Variants in CCDC33 observed in about 807,000 individuals in gnomAD.
CCDC33 encodes the protein coiled-coil domain containing 33, also known as coiled-coil domain-containing protein 33.
CCDC33 carries 94 observed loss-of-function variants against 91.9 expected under a neutral mutation model. That is an observed-to-expected ratio of 1.02 (90% CI 0.87 to 1.21). The LOEUF (loss-of-function observed/expected upper bound fraction) is 1.21. CCDC33 is among the 50% of genes most tolerant of loss of function. The probability of loss-of-function intolerance (pLI) is 0.00; values close to 1 mark genes in which losing one functional copy is unlikely to be tolerated. For synonymous variants in CCDC33, 396 were observed against 374.5 expected, an observed-to-expected ratio of 1.06 and a Z score of -0.66; for missense variants, 940 against 935.5, an observed-to-expected ratio of 1.00 and a Z score of -0.06.
At chr15:74,315,925 A>G (rs551056762) in intron 11 of CCDC33, among the ~76,000 whole-genome samples, 120 of 152,186 alleles carry the variant, frequency 7.9e-4, no homozygotes, top group African/African-American at 2.5e-3. Flanking sequence ...TAAAGCCCCA[A>G]TGCCACCAGG....
chr15:74,217,584 A>G (rs966372559), intron 1 of CCDC33: 2 of 1,227,988 alleles, frequency 1.6e-6, no homozygotes, highest in Non-Finnish European at 1.0e-6. Context: ...GCCCAAAGGT[A>G]TGAAGTAGGG....
Position 74,271,694 on chromosome 15 carries a change from C to A in CCDC33, c.547-9C>A. On this transcript the variant is annotated splice_polypyrimidine_tract_variant and intron_variant, in intron 5 of 18. Transcript: ENST00000398814. ...GGTGTTCACCTGCCTCCTCTCCTCT[C>A]CTCTCCAGATCTTTCTCCGGGGAGT... 1.2e-6 allele frequency: 2 copies of A among 1,610,808 alleles called. No individual in the cohort carries two copies. The highest frequency in any genetic ancestry group is 1.7e-6 in the Non-Finnish European group (2 of 1,177,130).
intron 11 of CCDC33, among the ~76,000 whole-genome samples, chr15:74,312,515 C>G (rs2060011422): frequency 6.6e-6 from 1 of 152,208 alleles, no homozygotes; most frequent in African/African-American, 2.4e-5. Context: ...TACAGCTTCT[C>G]CCTGCTCCCT....
At chr15:74,266,880 A>G in intron 4 of CCDC33, 93 bp downstream of exon 4, 1 of 839,968 alleles carries the variant, frequency 1.2e-6, no homozygotes. Flanking sequence ...TGAGCATCCC[A>G]CACCCACCCA....
At chr15:74,207,570 C>G in intron 1 of CCDC33, 2 of 912,568 alleles carry the variant, frequency 2.2e-6, no homozygotes, top group South Asian at 3.2e-5. Flanking sequence ...GCCCTTGACT[C>G]TGAGTCCAGC....
At chr15:74,266,126 GT>G (rs1352404674) in intron 3 of CCDC33, among the ~76,000 whole-genome samples, 10 of 152,208 alleles carry the variant, frequency 6.6e-5, no homozygotes, top group Admixed American at 6.5e-4. Flanking sequence ...ATTTAGACTA[GT>G]TTTCCCTTAC....
chr15:74,294,523 A>C (rs1207278302), intron 10 of CCDC33, among the ~76,000 whole-genome samples: 6 of 152,076 alleles, frequency 3.9e-5, no homozygotes, highest in Admixed American at 3.3e-4. Context: ...CAAGGTGGGC[A>C]GATCACAAGG....
In CCDC33 at chr15:74,330,301, C is replaced by T. The variant is rs1047152638; in HGVS notation, c.1403C>T (p.Ala468Val). 6.2e-7 allele frequency: 1 copy of T among 1,611,044 alleles called. No homozygotes were observed. Among genetic ancestry groups the T allele is most frequent in the South Asian group, 1.1e-5 (1 of 90,784 alleles). Residue 468 changes from alanine to valine, a missense_variant, in exon 12 of 19, where the codon GCC (alanine) becomes GTC (valine). Ala to Val is a moderately conservative substitution (Grantham distance 64, BLOSUM62 0). Coordinates refer to ENST00000398814, the MANE Select transcript of CCDC33 (RefSeq NM_025055.5). ...GENRILRSRLAQQEEEEGQGK... is the reference protein window; with the variant it reads ...GENRILRSRLVQQEEEEGQGK... Reference sequence around the variant, plus strand: ...AACCGCATACTGAGGAGCCGCCTGGCCCAGCAGGAGGAGGAAGAGGGGCAG... The same window carrying T: ...AACCGCATACTGAGGAGCCGCCTGGTCCAGCAGGAGGAGGAAGAGGGGCAG...
intron 7 of CCDC33, among the ~76,000 whole-genome samples, chr15:74,277,250 T>C (rs894447034): frequency 1.3e-5 from 2 of 152,156 alleles, no homozygotes; most frequent in African/African-American, 4.8e-5. Context: ...CACAGCAAGG[T>C]TGAGGCAGAC....
intron 2 of CCDC33, among the ~76,000 whole-genome samples, chr15:74,220,032 GAA>G (rs1246723829): frequency 1.3e-5 from 2 of 152,218 alleles, no homozygotes; most frequent in African/African-American, 4.8e-5. Context: ...GGGGATGGGA[GAA>G]AGTGGAGGGA....
At chr15:74,284,750 C>T (rs1169995644) in intron 10 of CCDC33, among the ~76,000 whole-genome samples, 1 of 152,204 alleles carries the variant, frequency 6.6e-6, no homozygotes, top group Non-Finnish European at 1.5e-5. Flanking sequence ...TATTTGGACT[C>T]CTCATGGTAG....
At chr15:74,320,768 AC>A (rs2060190747) in intron 11 of CCDC33, among the ~76,000 whole-genome samples, 1 of 152,004 alleles carries the variant, frequency 6.6e-6, no homozygotes, top group African/African-American at 2.4e-5. Flanking sequence ...AGCCTCTCCC[AC>A]TGGGCTATGC....
intron 11 of CCDC33, among the ~76,000 whole-genome samples, chr15:74,298,904 G>T (rs1270175343): frequency 6.6e-6 from 1 of 152,016 alleles, no homozygotes; most frequent in Non-Finnish European, 1.5e-5. Flanking sequence ...GTAGAGACGG[G>T]CTTTCACTAT....
At chr15:74,308,600 G>T (rs984062961) in intron 11 of CCDC33, among the ~76,000 whole-genome samples, 1 of 152,224 alleles carries the variant, frequency 6.6e-6, no homozygotes, top group Non-Finnish European at 1.5e-5. Context: ...TCTTCAAGGA[G>T]GGGGGACAGC....
chr15:74,308,783 G>C (rs1186897037), intron 11 of CCDC33, among the ~76,000 whole-genome samples: 1 of 152,202 alleles, frequency 6.6e-6, no homozygotes, highest in South Asian at 2.1e-4. Flanking sequence ...CTGCAGAGGG[G>C]CTCGGGGATT....
At chr15:74,330,896 G>A (rs1465213575) in intron 13 of CCDC33, 85 bp from the exon 14 acceptor site, 1 of 1,524,670 alleles carries the variant, frequency 6.6e-7, no homozygotes, top group Non-Finnish European at 8.9e-7. Flanking sequence ...GGAGGATTCA[G>A]CAGAGGGGCC....
At chr15:74,239,358 T>C (rs1056842684) in intron 1 of CCDC33, among the ~76,000 whole-genome samples, 88 of 152,216 alleles carry the variant, frequency 5.8e-4, no homozygotes, top group African/African-American at 1.8e-3. Flanking sequence ...CTGTTGTTCC[T>C]ACCTCCTCCT....
chr15:74,278,745 GA>G (rs1299830450), intron 7 of CCDC33, among the ~76,000 whole-genome samples: 1 of 152,224 alleles, frequency 6.6e-6, no homozygotes, highest in African/African-American at 2.4e-5. Context: ...TTCCTTTAAG[GA>G]GGCTTTTCTG....
intron 10 of CCDC33, 74 bp from the exon 11 acceptor site, chr15:74,295,680 A>G (rs761391748): frequency 7.7e-7 from 1 of 1,303,254 alleles, no homozygotes; most frequent in Non-Finnish European, 1.1e-6. Flanking sequence ...CTTGGGGTGT[A>G]GATGGTGTGC....
Sources: gnomAD v4.1 joint callset for allele counts (sites outside exome capture counted in the v4.1 genomes callset) on GRCh38, gnomAD v4.1.1 for gene constraint, MANE v1.5 for transcripts, NCBI Gene and HGNC (gene_info 2026-07-23, HGNC 2026-07-21) for gene names.